PAPPA2: variants seen among roughly 807,000 people sequenced by gnomAD.
PAPPA2 encodes the protein pappalysin-2.
PAPPA2 carries 86 observed loss-of-function variants against 176.4 expected under a neutral mutation model. The ratio of observed to expected loss-of-function variants is 0.49; its 90% CI spans 0.41 to 0.58. The LOEUF (loss-of-function observed/expected upper bound fraction) is 0.58, where lower values mean the gene tolerates loss of function less well. Ranked by LOEUF, PAPPA2 falls within the 20% of genes least tolerant of loss-of-function variation. The pLI is 0.00. For missense variants in PAPPA2, 2,073 were observed against 2,256.9 expected, an observed-to-expected ratio of 0.92 and a Z score of 1.65; for synonymous variants, 809 against 852.2, an observed-to-expected ratio of 0.95 and a Z score of 0.88.
At chr1:176,723,465 G>C (rs1199644722) in intron 12 of PAPPA2, among the ~76,000 whole-genome samples, 1 of 116,628 alleles carries the variant, frequency 8.6e-6, no homozygotes, top group African/African-American at 3.2e-5. Flanking sequence ...GATTTTTAAA[G>C]ATAAGGTGGT....
chr1:176,790,038 C>G, intron 18 of PAPPA2, 61 bp downstream of exon 18: 3 of 1,542,530 alleles, frequency 1.9e-6, no homozygotes, highest in Non-Finnish European at 2.7e-6. Flanking sequence ...ATGCCCAATC[C>G]AAGAAATTTG....
At chr1:176,608,636 T>C (rs1373841190) in intron 3 of PAPPA2, among the ~76,000 whole-genome samples, 2 of 152,162 alleles carry the variant, frequency 1.3e-5, no homozygotes, top group Non-Finnish European at 2.9e-5. Context: ...GTGCAGTCCG[T>C]GGGAATTCTG....
rs1553384532 is a variant in PAPPA2, at chr1:176,666,608, T to TGTGTGTGAGA, written c.1992-4361_1992-4360insTGTGTGAGAG. 4.9e-5 allele frequency among the ~76,000 whole-genome samples: 5 copies of TGTGTGTGAGA among 101,368 alleles called. No individual in the cohort carries two copies. The South Asian group carries it at 1.5e-3, about 30-fold the overall frequency. The allele number at this position is 101,368 out of a possible 152,430, so 66.5% of individuals were successfully genotyped here. ...GTGTGTGTGTGTGTGTGTGTGTGTG[T>TGTGTGTGAGA]GAGAGAGAGAGAGAGAGAGAAAGAG... On this transcript the variant is annotated intron_variant, in intron 3 of 22. Coordinates refer to ENST00000367662, the MANE Select transcript of PAPPA2 (RefSeq NM_020318.3).
At chr1:176,752,346 A>T (rs1410347470) in intron 14 of PAPPA2, among the ~76,000 whole-genome samples, 1 of 119,392 alleles carries the variant, frequency 8.4e-6, no homozygotes, top group African/African-American at 3.5e-5. Context: ...GTATAATAAA[A>T]AAAAAAAAAA....
chr1:176,512,958 A>G (rs1427415689), intron 1 of PAPPA2, among the ~76,000 whole-genome samples: 1 of 152,116 alleles, frequency 6.6e-6, no homozygotes, highest in Non-Finnish European at 1.5e-5. Context: ...GAATTTCTAC[A>G]ACAGTTTCAA....
chr1:176,594,578 T>A lies in PAPPA2; in HGVS notation c.974T>A (p.Ile325Asn). ...TVSDKGWALG[I>N]RSGKDKGKRD... Reference sequence around the variant, plus strand: ...AGTGACAAAGGCTGGGCCCTGGGGATCCGCTCAGGGAAGGACAAGGGAAAG... The same window carrying A: ...AGTGACAAAGGCTGGGCCCTGGGGAACCGCTCAGGGAAGGACAAGGGAAAG... The change falls in exon 3 of 23, where the codon ATC becomes AAC. Residue 325 changes from isoleucine to asparagine, a missense_variant. By Grantham distance (149) the Ile-to-Asn change is moderately radical. Transcript: ENST00000367662. 1 of 1,614,210 alleles carries A rather than the reference T, an allele frequency of 6.2e-7. No individual in the cohort carries two copies. The highest frequency in any genetic ancestry group is 8.5e-7 in the Non-Finnish European group (1 of 1,180,038).
intron 1 of PAPPA2, among the ~76,000 whole-genome samples, chr1:176,514,974 T>A (rs1257967519): frequency 3.9e-5 from 6 of 152,308 alleles, no homozygotes; most frequent in Admixed American, 2.0e-4. Context: ...GAGGAAGAGA[T>A]CACAGTGAAT....
intron 1 of PAPPA2, among the ~76,000 whole-genome samples, chr1:176,479,716 A>T (rs1652301180): frequency 6.6e-6 from 1 of 152,186 alleles, no homozygotes; most frequent in African/African-American, 2.4e-5. Context: ...TTCAGTACTT[A>T]ACAAGTTTGA....
chr1:176,469,181 G>C (rs1258302914), intron 1 of PAPPA2, among the ~76,000 whole-genome samples: 1 of 152,206 alleles, frequency 6.6e-6, no homozygotes, highest in African/African-American at 2.4e-5. Context: ...ATAAGCCCAA[G>C]TCTTTTGTGT....
Position 176,695,789 on chromosome 1 carries a change from G to T in PAPPA2, c.2676G>T (p.Gln892His). Residue 892 changes from glutamine to histidine, a missense_variant, in exon 7 of 23, where the codon CAG becomes CAT. Transcript: ENST00000367662. ...GCACTGAAGATGGGACCTTTCGTCA[G>T]TATGTGCACACAGCTTCCTCCCGGC... is the stretch of plus-strand genomic sequence containing the variant. ...GACTEDGTFRQYVHTASSRRV... is the reference protein window; with the variant it reads ...GACTEDGTFRHYVHTASSRRV... 2 of 1,614,122 alleles carry T rather than the reference G, an allele frequency of 1.2e-6. No homozygotes were observed. Among genetic ancestry groups the T allele is most frequent in the Non-Finnish European group, 1.7e-6 (2 of 1,180,012 alleles).
chr1:176,559,231 C>G (rs1046885232), intron 2 of PAPPA2, among the ~76,000 whole-genome samples: 4 of 152,206 alleles, frequency 2.6e-5, no homozygotes, highest in Admixed American at 6.5e-5. Flanking sequence ...TGCAGACTGT[C>G]TAGCTTCTGA....
At chr1:176,608,409 C>T (rs753842549) in intron 3 of PAPPA2, among the ~76,000 whole-genome samples, 2 of 152,106 alleles carry the variant, frequency 1.3e-5, no homozygotes, top group African/African-American at 4.8e-5. Flanking sequence ...AACATAAAAC[C>T]ACTTTAAAAT....
chr1:176,711,139 A>T (rs1181503452), intron 11 of PAPPA2, among the ~76,000 whole-genome samples: 4 of 152,128 alleles, frequency 2.6e-5, no homozygotes, highest in African/African-American at 9.7e-5. Flanking sequence ...CCCTAAGGAG[A>T]TGAACATTTA....
At chr1:176,799,932 G>T (rs1665603874) in intron 20 of PAPPA2, 129 bp from the exon 21 acceptor site, 2 of 889,350 alleles carry the variant, frequency 2.2e-6, no homozygotes, top group Non-Finnish European at 3.6e-6. Flanking sequence ...CCACTTTATG[G>T]GACACAATTA....
At chr1:176,616,501 C>G (rs1028653563) in intron 3 of PAPPA2, 14 of 941,650 alleles carry the variant, frequency 1.5e-5, no homozygotes, top group Non-Finnish European at 2.0e-5. Flanking sequence ...ATATAACAAC[C>G]AGGTTCTTCA....
At chr1:176,834,401 C>G (rs1233052890) in intron 21 of PAPPA2, among the ~76,000 whole-genome samples, 4 of 152,162 alleles carry the variant, frequency 2.6e-5, no homozygotes, top group African/African-American at 9.7e-5. Flanking sequence ...CCCTCCATCC[C>G]GAGGAATGAA....
At chr1:176,702,111 C>T (rs910543818) in intron 8 of PAPPA2, among the ~76,000 whole-genome samples, 1 of 152,184 alleles carries the variant, frequency 6.6e-6, no homozygotes, top group African/African-American at 2.4e-5. Context: ...TGTTATGAGA[C>T]AGTTGATCTT....
intron 14 of PAPPA2, among the ~76,000 whole-genome samples, chr1:176,744,281 A>G (rs1186907853): frequency 1.3e-5 from 2 of 151,834 alleles, no homozygotes; most frequent in African/African-American, 4.8e-5. Context: ...TTTTGTTTGT[A>G]TTTGTTTGAT....
rs144918631 is a variant in PAPPA2 at position 176,828,365 on chromosome 1, G to A, written c.5203-11808G>A. 3.0e-3 allele frequency among the ~76,000 whole-genome samples: 463 copies of A among 152,146 alleles called. 6 individuals are homozygous for A. Among genetic ancestry groups the A allele is most frequent in the African/African-American group, 9.9e-3 (410 of 41,510 alleles). ...GCATTTTGCTTCTATATAATGGTTT[G>A]TAGTTTGTAAAAACAGTTTTACGTT... On this transcript the variant is annotated intron_variant, in intron 21 of 22. Transcript: ENST00000367662.
Sources: allele counts gnomAD v4.1 joint callset (sites outside exome capture counted in the v4.1 genomes callset), GRCh38; gene constraint gnomAD v4.1.1; transcripts MANE v1.5; gene names NCBI Gene and HGNC (gene_info 2026-07-23, HGNC 2026-07-21).